Variants in LMBR1 observed in about 807,000 individuals in gnomAD.
LMBR1 encodes limb region 1 protein homolog.
In LMBR1, 52 loss-of-function variants were observed where a neutral mutation model predicts 73.9. The ratio of observed to expected loss-of-function variants is 0.70; its 90% CI spans 0.56 to 0.89. The LOEUF is 0.89. Among genes scored for constraint, LMBR1 ranks in the 40% least tolerant of loss-of-function variants. The pLI, the probability that LMBR1 is intolerant of heterozygous loss-of-function variation, is 0.00. For missense variants in LMBR1, 539 were observed against 579.8 expected (o/e 0.93, Z 0.72); for synonymous variants, 215 against 209.4 (o/e 1.03, Z -0.23).
chr7:156,672,507 A>G (rs1490479589), intron 4 of LMBR1, among the ~76,000 whole-genome samples: 1 of 152,204 alleles, frequency 6.6e-6, no homozygotes, highest in Non-Finnish European at 1.5e-5. Context: ...AGAGCATATG[A>G]GCTCTATTTC....
chr7:156,810,605 C>T (rs34767325), intron 4 of LMBR1, among the ~76,000 whole-genome samples: 1,902 of 151,596 alleles, frequency 0.013, 20 homozygotes, highest in Non-Finnish European at 0.017. Flanking sequence ...GTTGGCCAGG[C>T]TGGTCTCAAA....
rs113967098 is a variant in LMBR1, at chr7:156,710,374, C to T, written c.1225+13738G>A. 7.7e-3 allele frequency among the ~76,000 whole-genome samples: 1,176 copies of T among 152,128 alleles called. 16 individuals carry two copies. Among genetic ancestry groups the T allele is most frequent in the African/African-American group, 0.027 (1,108 of 41,492 alleles). On this transcript the variant is annotated intron_variant, in intron 15 of 16. Coordinates refer to ENST00000353442, the MANE Select transcript of LMBR1 (RefSeq NM_022458.4). ...AATGAAAAACACACTTAGAGAAATA[C>T]CAAATGCACTGGAAAGTTTCAACGA...
intron 1 of LMBR1, among the ~76,000 whole-genome samples, chr7:156,874,206 C>T (rs1234002080): frequency 3.3e-5 from 5 of 152,252 alleles, no homozygotes; most frequent in Non-Finnish European, 5.9e-5. Context: ...GGGCCGGCAC[C>T]GCTGGAGACC....
At chr7:156,750,247 G>T (rs189012577) in intron 9 of LMBR1, among the ~76,000 whole-genome samples, 7 of 151,998 alleles carry the variant, frequency 4.6e-5, no homozygotes, top group Admixed American at 2.0e-4. Flanking sequence ...AATTAATGCC[G>T]TTGCATTACT....
chr7:156,817,775 G>A (rs1417220201), intron 4 of LMBR1, among the ~76,000 whole-genome samples: 1 of 151,938 alleles, frequency 6.6e-6, no homozygotes, highest in Admixed American at 6.6e-5. Context: ...TACCCTTCCA[G>A]GTATTTTTTG....
intron 15 of LMBR1, among the ~76,000 whole-genome samples, chr7:156,721,016 A>G (rs1814453449): frequency 6.6e-6 from 1 of 152,068 alleles, no homozygotes; most frequent in African/African-American, 2.4e-5. Context: ...GGAATAATCT[A>G]CTTTAACTCC....
intron 9 of LMBR1, among the ~76,000 whole-genome samples, chr7:156,745,939 G>A (rs1819766304): frequency 6.6e-6 from 1 of 152,186 alleles, no homozygotes; most frequent in African/African-American, 2.4e-5. Context: ...GATAAAGCTA[G>A]TACAGAAATA....
At chr7:156,801,899 G>A (rs1248648282) in intron 4 of LMBR1, among the ~76,000 whole-genome samples, 5 of 152,168 alleles carry the variant, frequency 3.3e-5, no homozygotes, top group East Asian at 1.9e-4. Flanking sequence ...GTTCAGAAAC[G>A]TGCCCTTGTC....
intron 1 of LMBR1, among the ~76,000 whole-genome samples, chr7:156,886,882 G>C (rs1241123118): frequency 6.6e-6 from 1 of 152,118 alleles, no homozygotes; most frequent in Admixed American, 6.5e-5. Flanking sequence ...CTGGTCAGCT[G>C]TGTTTAAACC....
At chr7:156,853,032 A>G (rs999154619) in intron 1 of LMBR1, among the ~76,000 whole-genome samples, 3 of 150,346 alleles carry the variant, frequency 2.0e-5, no homozygotes, top group African/African-American at 7.4e-5. Context: ...TCTGCCTCCC[A>G]GGTTCAGGCC....
rs1812769179 is a variant in LMBR1, at chr7:156,714,498, AGAATGTGAGGTT to A, written c.1225+9602_1225+9613del. Among the ~76,000 whole-genome samples the A allele has an allele frequency of 2.0e-5, 3 of 152,244 alleles. No individual in the cohort carries two copies. The South Asian group carries it at 6.2e-4, about 31-fold the overall frequency. On this transcript the variant is annotated intron_variant, in intron 15 of 16. Transcript: ENST00000353442. ...ATTATGTCTTTATTACTAATGGCTC[AGAATGTGAGGTT>A]TGGAATGGCACGAGACACAGACGGG...
chr7:156,727,565 C>T (rs1816016866), intron 12 of LMBR1, among the ~76,000 whole-genome samples: 1 of 152,110 alleles, frequency 6.6e-6, no homozygotes, highest in African/African-American at 2.4e-5. Flanking sequence ...TAAGTGAATA[C>T]AACAATGGCA....
chr7:156,811,808 C>T (rs1419121141), intron 4 of LMBR1, among the ~76,000 whole-genome samples: 1 of 152,162 alleles, frequency 6.6e-6, no homozygotes. Flanking sequence ...CAGAAATCTA[C>T]TCTCTTACAG....
At position 156,682,269 on chromosome 7, in the gene LMBR1, CTT is replaced by C. The variant is rs1805188334; in HGVS notation, c.*1807_*1808del. The C allele has an allele frequency of 6.6e-6, 1 of 151,848 alleles. No individual in the cohort carries two copies. Among genetic ancestry groups the C allele is most frequent in the South Asian group, 2.1e-4 (1 of 4,818 alleles). The allele number at this position is 151,848 out of a possible 1,614,324, so 9.4% of individuals were successfully genotyped here. ...GACATTTTCCAAGTATCTAGGAACT[CTT>C]TGGATGTGCCTGAAAGTGGTGTAAG... On this transcript the variant is annotated 3_prime_UTR_variant, in exon 17 of 17. Coordinates refer to ENST00000353442, the MANE Select transcript of LMBR1 (RefSeq NM_022458.4).
At chr7:156,675,571 A>G (rs1216933942), downstream of LMBR1, 2 of 732,162 alleles carry the variant, frequency 2.7e-6, no homozygotes, top group East Asian at 2.6e-5. Context: ...CTATTTCCCT[A>G]AAAAGTATTA....
chr7:156,738,280 G>A (rs1563248383), intron 9 of LMBR1, among the ~76,000 whole-genome samples: 1 of 152,188 alleles, frequency 6.6e-6, no homozygotes, highest in East Asian at 1.9e-4. Flanking sequence ...CACAGAAGGA[G>A]CATGTGGACC....
In LMBR1 at chr7:156,893,096, G is replaced by A; in HGVS notation, c.-103C>T. ...GACAGCCGCGCCGGGGACCGGAGCCGGCACGGGCCCGCGAGCCGTGTTGGA... is the reference window on the plus strand; with the variant it reads ...GACAGCCGCGCCGGGGACCGGAGCCAGCACGGGCCCGCGAGCCGTGTTGGA... On this transcript the variant is annotated 5_prime_UTR_variant, in exon 1 of 17. Transcript: ENST00000353442. 1.7e-6 allele frequency: 2 copies of A among 1,183,052 alleles called. No individual in the cohort carries two copies. Among genetic ancestry groups the A allele is most frequent in the Non-Finnish European group, 2.2e-6 (2 of 921,970 alleles). 73.3% of individuals were successfully genotyped at this position (1,183,052 alleles called of 1,614,324 possible).
intron 1 of LMBR1, among the ~76,000 whole-genome samples, chr7:156,858,886 T>G (rs988459900): frequency 1.3e-5 from 2 of 151,710 alleles, no homozygotes; most frequent in Non-Finnish European, 2.9e-5. Context: ...CAGAAACCTG[T>G]GAATAAAAAA....
Position 156,724,168 on chromosome 7 carries a change from T to C in LMBR1, c.1169A>G (p.Asn390Ser). The part of the protein sequence containing the change: ...DDTTMTKIIG[N>S]CVSILVLSSA... ...GCTCAAAACCAAGATGGACACACAA[T>C]TTCCAATGATCTGTTATGAGAAACG... Residue 390 changes from asparagine to serine, a missense_variant, in exon 15 of 17, where the codon AAT (asparagine) becomes AGT (serine). Asn to Ser is a conservative substitution (Grantham distance 46). This residue lies in a region of LMBR1 where 454 missense variants were observed against 473.4 expected (regional missense o/e 0.96). Coordinates refer to ENST00000353442, the MANE Select transcript of LMBR1 (RefSeq NM_022458.4). The C allele has an allele frequency of 6.2e-7, 1 of 1,611,188 alleles. No individual in the cohort carries two copies. The highest frequency in any genetic ancestry group is 8.5e-7 in the Non-Finnish European group (1 of 1,178,286).
Sources: allele counts gnomAD v4.1 joint callset (sites outside exome capture counted in the v4.1 genomes callset), GRCh38; gene constraint gnomAD v4.1.1; regional missense constraint gnomAD v4.1.1; transcripts MANE v1.5; gene names NCBI Gene and HGNC (gene_info 2026-07-23, HGNC 2026-07-21).